WDR25: variants seen among roughly 807,000 people sequenced by gnomAD.
The protein encoded by WDR25 is WD repeat-containing protein 25.
WDR25 carries 35 observed loss-of-function variants against 47.7 expected under a neutral mutation model. That is an observed-to-expected ratio of 0.73 (90% CI 0.56 to 0.97). WDR25 has a LOEUF of 0.97. WDR25 is among the 50% of genes least tolerant of loss of function. The pLI is 0.00. For synonymous variants in WDR25, 248 were observed against 278.9 expected, an observed-to-expected ratio of 0.89 and a Z score of 1.10; for missense variants, 634 against 704.7, an observed-to-expected ratio of 0.90 and a Z score of 1.14.
intron 2 of WDR25, among the ~76,000 whole-genome samples, chr14:100,427,779 T>A (rs1898212055): frequency 6.6e-6 from 1 of 152,192 alleles, no homozygotes; most frequent in Admixed American, 6.5e-5. Context: ...ATGGGCACCT[T>A]TGCCACCACC....
At chr14:100,519,400 T>C (rs1901620775) in intron 4 of WDR25, among the ~76,000 whole-genome samples, 1 of 152,090 alleles carries the variant, frequency 6.6e-6, no homozygotes, top group South Asian at 2.1e-4. Flanking sequence ...CTATGTCTTC[T>C]AGTTTACTAA....
rs564632678 is a variant in WDR25 at position 100,499,785 on chromosome 14, G to C, written c.1101+15661G>C. Among the ~76,000 whole-genome samples, 27 of 151,932 alleles carry C rather than the reference G, an allele frequency of 1.8e-4. No individual in the cohort carries two copies. Among genetic ancestry groups the C allele is most frequent in the African/African-American group, 6.3e-4 (26 of 41,526 alleles). On this transcript the variant is annotated intron_variant, in intron 4 of 6. Transcript: ENST00000402312. The surrounding 1 kb of genome is among the most constrained non-coding windows in gnomAD (Gnocchi z 4.4). The stretch of plus-strand genomic sequence containing the variant: ...TCCTGGGCTGTGGAATGGGTCCCAG[G>C]GGGTGAAGTTCGCTGTGTTCTGCTT...
Position 100,488,406 on chromosome 14 carries a change from G to A in WDR25, c.1101+4282G>A, listed in dbSNP as rs975425875. On this transcript the variant is annotated intron_variant, in intron 4 of 6. Transcript: ENST00000402312. The surrounding 1 kb of genome is among the most constrained non-coding windows in gnomAD (Gnocchi z 4.2). ...TTCTGCAGAAGCCCCTGAGCCTCTAGTGCCGTTGGCCTGAGCTGCAGGAGA... is the reference window on the plus strand; with the variant it reads ...TTCTGCAGAAGCCCCTGAGCCTCTAATGCCGTTGGCCTGAGCTGCAGGAGA... 1.3e-5 allele frequency among the ~76,000 whole-genome samples: 2 copies of A among 152,170 alleles called. No individual in the cohort carries two copies. Among genetic ancestry groups the A allele is most frequent in the African/African-American group, 4.8e-5 (2 of 41,444 alleles).
intron 2 of WDR25, among the ~76,000 whole-genome samples, chr14:100,458,514 A>G (rs555339747): frequency 6.0e-4 from 91 of 152,284 alleles, no homozygotes; most frequent in Non-Finnish European, 1.1e-3. Context: ...TAGACAGAAA[A>G]TCAGTTAAGA....
rs1292512098 is a variant in WDR25 at position 100,502,772 on chromosome 14, C to T, written c.1101+18648C>T. Among the ~76,000 whole-genome samples the T allele has an allele frequency of 1.3e-5, 2 of 152,150 alleles. No individual in the cohort carries two copies. The highest frequency in any genetic ancestry group is 2.9e-5 in the Non-Finnish European group (2 of 68,034). On this transcript the variant is annotated intron_variant, in intron 4 of 6. Coordinates refer to ENST00000402312, the MANE Select transcript of WDR25 (RefSeq NM_001161476.3). The surrounding 1 kb of genome is among the most constrained non-coding windows in gnomAD (Gnocchi z 4.5). ...AAGGAGCTAATGATTTTGCTTGCCA[C>T]ATTGGGAGGCTTGGCTGGCAGAGGG...
chr14:100,461,038 C>T (rs1379245871), intron 2 of WDR25, among the ~76,000 whole-genome samples: 1 of 151,658 alleles, frequency 6.6e-6, no homozygotes, highest in Admixed American at 6.6e-5. Flanking sequence ...CATAGTGAGA[C>T]CCCAGCTCTA....
In WDR25 at chr14:100,467,630, A is replaced by T. The variant is rs143312899; in HGVS notation, c.823-391A>T. Among the ~76,000 whole-genome samples the T allele has an allele frequency of 2.0e-3, 304 of 152,160 alleles. 2 individuals are homozygous for T. The highest frequency in any genetic ancestry group is 2.3e-3 in the Non-Finnish European group (154 of 67,988). On this transcript the variant is annotated intron_variant, in intron 2 of 6. Coordinates refer to ENST00000402312, the MANE Select transcript of WDR25 (RefSeq NM_001161476.3). ...TGCCTCAGCCTCCTGAGTAGTTGGG[A>T]CTAGAGGCATGTGTCACTATGCCCA...
intron 4 of WDR25, among the ~76,000 whole-genome samples, chr14:100,495,031 A>T (rs1019993500): frequency 6.6e-6 from 1 of 152,272 alleles, no homozygotes; most frequent in African/African-American, 2.4e-5. Context: ...AGATAAATAC[A>T]TAAAAGAAGA....
At chr14:100,455,235 A>C (rs1168613370) in intron 2 of WDR25, 2 of 152,260 alleles carry the variant, frequency 1.3e-5, no homozygotes, top group East Asian at 1.9e-4. Flanking sequence ...ACAAGTGTTA[A>C]ATTCTGGAAC....
intron 2 of WDR25, among the ~76,000 whole-genome samples, chr14:100,451,220 C>T (rs1385245085): frequency 1.3e-5 from 2 of 151,030 alleles, no homozygotes; most frequent in Non-Finnish European, 2.9e-5. Flanking sequence ...TGCCAGGAGC[C>T]AGCGTTCATT....
intron 2 of WDR25, among the ~76,000 whole-genome samples, chr14:100,450,356 T>C (rs554034392): frequency 1.1e-4 from 17 of 152,292 alleles, no homozygotes; most frequent in African/African-American, 4.1e-4. Context: ...GAAATCAAGG[T>C]GAATCTGTTC....
intron 2 of WDR25, among the ~76,000 whole-genome samples, chr14:100,391,668 T>C (rs1243791431): frequency 6.6e-6 from 1 of 152,050 alleles, no homozygotes; most frequent in Non-Finnish European, 1.5e-5. Context: ...AAAAAAAAGA[T>C]TCAACATAGT....
intron 2 of WDR25, among the ~76,000 whole-genome samples, chr14:100,429,373 G>T (rs570858269): frequency 6.6e-6 from 1 of 152,332 alleles, no homozygotes; most frequent in South Asian, 2.1e-4. Flanking sequence ...TGGAGTGAAA[G>T]AAAGAGGAGA....
intron 2 of WDR25, among the ~76,000 whole-genome samples, chr14:100,413,556 G>A (rs931945471): frequency 1.3e-5 from 2 of 152,054 alleles, no homozygotes; most frequent in East Asian, 1.9e-4. Flanking sequence ...TGGGACTACA[G>A]GCGCCCACCA....
At position 100,529,716 on chromosome 14, in the gene WDR25, C is replaced by A; in HGVS notation, c.1414-104C>A. 2 of 1,330,506 alleles carry A rather than the reference C, an allele frequency of 1.5e-6. No individual in the cohort carries two copies. The highest frequency in any genetic ancestry group is 2.9e-5 in the African/African-American group (2 of 69,246). The allele number at this position is 1,330,506 out of a possible 1,614,324, so 82.4% of individuals were successfully genotyped here. ...GGGACACGAGGTGCGAAGCCCAGCT[C>A]TGCTCCGTCAGCTCGGGGCTTCAGC... On this transcript the variant is annotated intron_variant, in intron 6 of 6. Transcript: ENST00000402312. This position sits in a 1 kb window ranked among gnomAD's most constrained non-coding sequence, Gnocchi z 5.1.
At chr14:100,452,062 TATCCATCTATTTCATTCCATTCATTC>T (rs1356339530) in intron 2 of WDR25, among the ~76,000 whole-genome samples, 1 of 152,230 alleles carries the variant, frequency 6.6e-6, no homozygotes, top group Non-Finnish European at 1.5e-5. Flanking sequence ...CTCATTCATT[TATCCATCTATTTCATTCCATTCATTC>T]ATCCATCCAT....
intron 2 of WDR25, among the ~76,000 whole-genome samples, chr14:100,426,780 T>C (rs1898181446): frequency 6.6e-6 from 1 of 152,146 alleles, no homozygotes; most frequent in African/African-American, 2.4e-5. Flanking sequence ...GTGCCAGGCA[T>C]TGTGCAAGGC....
At chr14:100,416,746 G>A (rs1897880624) in intron 2 of WDR25, among the ~76,000 whole-genome samples, 2 of 152,196 alleles carry the variant, frequency 1.3e-5, no homozygotes, top group South Asian at 4.1e-4. Context: ...CTGTCTTTGG[G>A]CTCACTGGGG....
intron 1 of WDR25, among the ~76,000 whole-genome samples, chr14:100,378,406 A>T (rs888719520): frequency 1.3e-5 from 2 of 152,100 alleles, no homozygotes; most frequent in Non-Finnish European, 1.5e-5. Context: ...ACCTCAGGTG[A>T]TCCGCCCACC....
Sources: gnomAD v4.1 joint callset for allele counts (sites outside exome capture counted in the v4.1 genomes callset) on GRCh38, gnomAD v4.1.1 for gene constraint, Gnocchi (gnomAD v3.1) non-coding constraint, MANE v1.5 for transcripts, NCBI Gene and HGNC (gene_info 2026-07-23, HGNC 2026-07-21) for gene names.